The following TUT4 variants were observed in gnomAD, a reference collection of about 807,000 sequenced individuals.
TUT4 encodes terminal uridylyl transferase 4, also known as terminal uridylyltransferase 4.
In TUT4, 36 loss-of-function variants were observed where a neutral mutation model predicts 192.2. The observed-to-expected ratio is 0.19, with a 90% CI of 0.14 to 0.25. The LOEUF (loss-of-function observed/expected upper bound fraction) is 0.25. Ranked by LOEUF, TUT4 falls within the 10% of genes least tolerant of loss-of-function variation. TUT4 has a pLI of 1.00. For synonymous variants in TUT4, 618 were observed against 666.0 expected (o/e 0.93, Z 1.11); for missense variants, 1,493 against 1,957.2 (o/e 0.76, Z 4.47).
intron 1 of TUT4, among the ~76,000 whole-genome samples, chr1:52,551,957 C>T (rs1469885040): frequency 6.6e-6 from 1 of 152,224 alleles, no homozygotes; most frequent in Non-Finnish European, 1.5e-5. Context: ...TTACTAAATG[C>T]ATGCCAACAA....
intron 1 of TUT4, among the ~76,000 whole-genome samples, chr1:52,548,089 C>T (rs1688532599): frequency 6.6e-6 from 1 of 152,078 alleles, no homozygotes; most frequent in Non-Finnish European, 1.5e-5. Flanking sequence ...TCACATGTCA[C>T]CCCAGACCAG....
chr1:52,469,229 T>C (rs887216655), intron 14 of TUT4, among the ~76,000 whole-genome samples: 8 of 152,094 alleles, frequency 5.3e-5, no homozygotes, highest in African/African-American at 4.8e-5. Context: ...CAGGATGTAA[T>C]GTAGACTGTG....
At chr1:52,513,243 A>C (rs886158415) in intron 3 of TUT4, among the ~76,000 whole-genome samples, 3 of 151,752 alleles carry the variant, frequency 2.0e-5, no homozygotes, top group African/African-American at 7.3e-5. Context: ...CTCTAAAAAA[A>C]TACAAAAAAC....
At chr1:52,552,823 C>T (rs1420557482) in intron 1 of TUT4, 108 bp downstream of exon 1, 1 of 152,344 alleles carries the variant, frequency 6.6e-6, no homozygotes, top group Non-Finnish European at 1.5e-5. Context: ...GCCAGGCCCC[C>T]GACACCTGCG....
intron 15 of TUT4, 82 bp downstream of exon 15, chr1:52,468,099 C>A: frequency 9.7e-7 from 1 of 1,031,128 alleles, no homozygotes; most frequent in South Asian, 1.5e-5. Context: ...ACATAGCATT[C>A]AATAAATATT....
chr1:52,434,887 A>C (rs1191252699), intron 27 of TUT4: 1 of 152,264 alleles, frequency 6.6e-6, no homozygotes, highest in Non-Finnish European at 1.5e-5. Context: ...CTGAATTCTC[A>C]TTCAATACTG....
chr1:52,533,643 G>C (rs938592226), intron 1 of TUT4, among the ~76,000 whole-genome samples: 2 of 151,884 alleles, frequency 1.3e-5, no homozygotes, highest in Non-Finnish European at 2.9e-5. Flanking sequence ...CTTGTTTTTG[G>C]TGGAACATAC....
At chr1:52,520,286 G>A (rs1022832753) in intron 2 of TUT4, among the ~76,000 whole-genome samples, 22 of 152,268 alleles carry the variant, frequency 1.4e-4, no homozygotes, top group South Asian at 6.2e-4. Context: ...TACTCTGATG[G>A]ATGGAAAGCC....
At chr1:52,455,701 A>G (rs952006053) in intron 20 of TUT4, among the ~76,000 whole-genome samples, 2 of 150,648 alleles carry the variant, frequency 1.3e-5, no homozygotes, top group African/African-American at 2.4e-5. Flanking sequence ...GGATGGATGG[A>G]CAGACAGACA....
intron 2 of TUT4, among the ~76,000 whole-genome samples, chr1:52,524,449 G>C (rs1282649088): frequency 2.0e-5 from 3 of 152,036 alleles, no homozygotes; most frequent in African/African-American, 7.3e-5. Context: ...GCGTGAACCC[G>C]GGAGGGGGAG....
chr1:52,431,122 T>A lies in TUT4; in HGVS notation c.4602A>T (p.Ala1534=). 6.2e-7 allele frequency: 1 copy of A among 1,614,234 alleles called. No individual in the cohort carries two copies. ...IGLNDPSIIF[A]QPAARPVAIP... ...TTGCCACAGGTCTGGCAGCAGGCTG[T>A]GCAAAGATGATGCTGGGATCATTTA... Residue 1534 remains alanine, a synonymous_variant, in exon 28 of 30, where the codon GCA becomes GCT. Transcript: ENST00000257177.
intron 20 of TUT4, among the ~76,000 whole-genome samples, chr1:52,447,469 CAAAA>C (rs1308778689): frequency 1.5e-5 from 2 of 132,356 alleles, no homozygotes; most frequent in African/African-American, 5.8e-5. Context: ...AACAAAAAAA[CAAAA>C]AAACAAAAAA....
intron 27 of TUT4, 57 bp downstream of exon 27, chr1:52,435,308 A>G (rs1653401493): frequency 4.3e-6 from 6 of 1,402,976 alleles, no homozygotes; most frequent in East Asian, 2.3e-5. Context: ...ACTATCACCC[A>G]TTAAAGATAC....
chr1:52,535,262 A>G (rs1684600495), intron 1 of TUT4: 1 of 151,362 alleles, frequency 6.6e-6, no homozygotes, highest in South Asian at 2.1e-4. Context: ...TGATTCTCCA[A>G]TTTTCTTATC....
rs529705704 is a variant in TUT4 at position 52,523,687 on chromosome 1, CATTA to C, written c.718+1872_718+1875del. Among the ~76,000 whole-genome samples the C allele has an allele frequency of 4.6e-5, 7 of 151,980 alleles. No homozygotes were observed. The South Asian group carries it at 1.5e-3, about 32-fold the overall frequency. ...TGTTTACATTTTTCCCATATCTAAA[CATTA>C]CCAGTATTATCACTTATTTGATTCT... On this transcript the variant is annotated intron_variant, in intron 2 of 29. Coordinates refer to ENST00000257177, the MANE Select transcript of TUT4 (RefSeq NM_001009881.3).
chr1:52,525,973 T>G lies in TUT4; in HGVS notation c.308A>C (p.Asn103Thr). 2 of 1,614,178 alleles carry G rather than the reference T, an allele frequency of 1.2e-6. No homozygotes were observed. Among genetic ancestry groups the G allele is most frequent in the African/African-American group, 1.3e-5 (1 of 75,060 alleles). The stretch of plus-strand genomic sequence containing the variant: ...TGCCTTTTCGGCTTTCACCGGTGAA[T>G]TAGGAAATTTTTTTGCTTTGCAATG... Reference protein sequence around the residue: ...QSHCKAKKFPNSPVKAEKATI... With the variant: ...QSHCKAKKFPTSPVKAEKATI... Residue 103 changes from asparagine to threonine, a missense_variant, in exon 2 of 30, where the codon AAT becomes ACT. Physicochemically the swap from Asn to Thr is moderately conservative, Grantham distance 65. Coordinates refer to ENST00000257177, the MANE Select transcript of TUT4 (RefSeq NM_001009881.3).
intron 10 of TUT4, 50 bp downstream of exon 10, chr1:52,481,754 G>A: frequency 4.5e-6 from 7 of 1,549,644 alleles, no homozygotes; most frequent in Non-Finnish European, 6.1e-6. Flanking sequence ...TTCTCTGCAA[G>A]AGCAAACTAT....
chr1:52,526,830 G>C (rs1681900697), intron 1 of TUT4, among the ~76,000 whole-genome samples: 2 of 152,016 alleles, frequency 1.3e-5, no homozygotes. Context: ...TTCGAGACCA[G>C]CCTGACCAAT....
At chr1:52,504,640 A>G (rs1675046109) in intron 4 of TUT4, among the ~76,000 whole-genome samples, 1 of 152,154 alleles carries the variant, frequency 6.6e-6, no homozygotes, top group South Asian at 2.1e-4. Context: ...GAAAAAAAAC[A>G]AACATGTTAT....
Sources: gnomAD v4.1 joint callset for allele counts (sites outside exome capture counted in the v4.1 genomes callset) on GRCh38, gnomAD v4.1.1 for gene constraint, MANE v1.5 for transcripts, NCBI Gene and HGNC (gene_info 2026-07-23, HGNC 2026-07-21) for gene names.